SPATA6: variants seen among roughly 807,000 people sequenced by gnomAD.
SPATA6 encodes spermatogenesis-associated protein 6.
A neutral mutation model predicts 65.3 loss-of-function variants in SPATA6; 56 were observed. The observed-to-expected ratio is 0.86, with a 90% CI of 0.69 to 1.07. The LOEUF (loss-of-function observed/expected upper bound fraction) is 1.07. SPATA6 is among the 50% of genes least tolerant of loss of function. The pLI, the probability that SPATA6 is intolerant of heterozygous loss-of-function variation, is 0.00. For synonymous variants in SPATA6, 199 were observed against 213.2 expected (o/e 0.93, Z 0.58); for missense variants, 590 against 594.8 (o/e 0.99, Z 0.08).
At chr1:48,388,444 T>A (rs942144412) in intron 8 of SPATA6, among the ~76,000 whole-genome samples, 4 of 151,710 alleles carry the variant, frequency 2.6e-5, no homozygotes, top group African/African-American at 7.3e-5. Context: ...AGCAAGAAAA[T>A]ATGACACCTC....
At chr1:48,422,073 A>G (rs1412537719) in intron 3 of SPATA6, among the ~76,000 whole-genome samples, 4 of 152,198 alleles carry the variant, frequency 2.6e-5, no homozygotes, top group Non-Finnish European at 5.9e-5. Context: ...GATTTGGAAT[A>G]ATGAAACAGG....
chr1:48,274,061 T>G, the SPATA6 span, among the ~76,000 whole-genome samples: 3 of 152,228 alleles, frequency 2.0e-5, no homozygotes, highest in African/African-American at 7.2e-5. Flanking sequence ...GGTATCTCAT[T>G]GTGGTTTTGA....
At chr1:48,466,117 A>G (rs903542819) in intron 1 of SPATA6, among the ~76,000 whole-genome samples, 6 of 152,134 alleles carry the variant, frequency 3.9e-5, no homozygotes, top group African/African-American at 1.4e-4. Flanking sequence ...TGAGAACAAC[A>G]GACACAATGA....
chr1:48,414,799 A>G lies in SPATA6; in HGVS notation c.239-1648T>C, dbSNP rs146747838. The stretch of plus-strand genomic sequence containing the variant: ...GTACATACTAAGTACAAATACTTAC[A>G]TAAGGCATACTACACAGCAAAAAAA... On this transcript the variant is annotated intron_variant, in intron 3 of 12. Transcript: ENST00000371847. Among the ~76,000 whole-genome samples, 754 of 152,314 alleles carry G rather than the reference A, an allele frequency of 5.0e-3. 18 individuals are homozygous for G. Among genetic ancestry groups the G allele is most frequent in the South Asian group, 0.04 (193 of 4,820 alleles).
At chr1:48,293,300 G>A (rs1019953355), downstream of SPATA6, among the ~76,000 whole-genome samples, 6 of 152,180 alleles carry the variant, frequency 3.9e-5, no homozygotes, top group African/African-American at 7.2e-5. Context: ...CCAGCCTGAC[G>A]GATGGCATAA....
chr1:48,334,871 G>A (rs1031838380), intron 11 of SPATA6, among the ~76,000 whole-genome samples: 1 of 152,038 alleles, frequency 6.6e-6, no homozygotes, highest in Admixed American at 6.6e-5. Context: ...ACATGATTTT[G>A]TATTTTAAAA....
At chr1:48,407,679 C>A (rs181886928) in intron 5 of SPATA6, among the ~76,000 whole-genome samples, 1 of 152,198 alleles carries the variant, frequency 6.6e-6, no homozygotes, top group South Asian at 2.1e-4. Context: ...AAAACTTCTT[C>A]GTCTTACCTT....
the SPATA6 span, among the ~76,000 whole-genome samples, chr1:48,274,709 T>C: frequency 2.0e-5 from 3 of 152,246 alleles, no homozygotes; most frequent in Non-Finnish European, 4.4e-5. Flanking sequence ...ATATCTGTTT[T>C]GGTACCAGTA....
At chr1:48,309,332 T>G (rs758994098) in intron 11 of SPATA6, among the ~76,000 whole-genome samples, 1 of 152,118 alleles carries the variant, frequency 6.6e-6, no homozygotes, top group Non-Finnish European at 1.5e-5. Context: ...CTCATTTGAC[T>G]TGTCTTCAAG....
At chr1:48,262,676 T>A in the SPATA6 span, 1 of 152,084 alleles carries the variant, frequency 6.6e-6, no homozygotes, top group Admixed American at 6.6e-5. Flanking sequence ...GATACAAAAT[T>A]TGTAAAAGAA....
the SPATA6 span, among the ~76,000 whole-genome samples, chr1:48,281,593 A>G: frequency 6.6e-6 from 1 of 151,678 alleles, no homozygotes; most frequent in Non-Finnish European, 1.5e-5. Flanking sequence ...AATTGCTTCA[A>G]AGAGAATAAA....
chr1:48,302,208 T>G (rs1644955930), intron 12 of SPATA6, among the ~76,000 whole-genome samples: 1 of 152,210 alleles, frequency 6.6e-6, no homozygotes, highest in Non-Finnish European at 1.5e-5. Flanking sequence ...TTTTTTTAAT[T>G]GTTGCTATTT....
At chr1:48,284,139 T>C in the SPATA6 span, among the ~76,000 whole-genome samples, 2 of 152,288 alleles carry the variant, frequency 1.3e-5, no homozygotes, top group Admixed American at 1.3e-4. Context: ...TTTTCATTCT[T>C]TTTTCTCTAA....
At chr1:48,425,029 C>G (rs1169824939) in intron 3 of SPATA6, among the ~76,000 whole-genome samples, 1 of 152,126 alleles carries the variant, frequency 6.6e-6, no homozygotes, top group Non-Finnish European at 1.5e-5. Flanking sequence ...CTTTGGTTAC[C>G]TGTGCTTGAG....
chr1:48,382,610 C>A (rs1648818349), intron 9 of SPATA6, among the ~76,000 whole-genome samples: 3 of 103,936 alleles, frequency 2.9e-5, no homozygotes. Context: ...ACCTCCCTCC[C>A]GGACGGGGCG....
intron 11 of SPATA6, among the ~76,000 whole-genome samples, chr1:48,312,822 C>T (rs1239093052): frequency 2.6e-5 from 4 of 152,128 alleles, no homozygotes; most frequent in Admixed American, 2.6e-4. Flanking sequence ...GAATGGCTAA[C>T]TACAATAACC....
At chr1:48,319,038 G>C (rs1645522506) in intron 11 of SPATA6, among the ~76,000 whole-genome samples, 1 of 152,048 alleles carries the variant, frequency 6.6e-6, no homozygotes, top group South Asian at 2.1e-4. Flanking sequence ...TTTAAGAAAT[G>C]GTGCTGTGAC....
intron 11 of SPATA6, chr1:48,325,157 G>A (rs981317435): frequency 1.0e-5 from 6 of 602,048 alleles, no homozygotes; most frequent in African/African-American, 7.4e-5. Flanking sequence ...TTCATTTACA[G>A]TTTCAGGGTT....
chr1:48,317,553 G>A (rs1009276656), intron 11 of SPATA6, among the ~76,000 whole-genome samples: 1 of 152,090 alleles, frequency 6.6e-6, no homozygotes, highest in African/African-American at 2.4e-5. Context: ...GGGAGGGATA[G>A]CATTAGGAGA....
Sources: gnomAD v4.1 joint callset for allele counts (sites outside exome capture counted in the v4.1 genomes callset) on GRCh38, gnomAD v4.1.1 for gene constraint, MANE v1.5 for transcripts, NCBI Gene and HGNC (gene_info 2026-07-23, HGNC 2026-07-21) for gene names.